The following GABRA3 variants were observed in gnomAD, a reference collection of about 807,000 sequenced individuals.
GABRA3 encodes the protein gamma-aminobutyric acid receptor subunit alpha-3.
GABRA3 carries 10 observed loss-of-function variants against 30.1 expected under a neutral mutation model. The ratio of observed to expected loss-of-function variants is 0.33; its 90% confidence interval spans 0.20 to 0.56. The LOEUF is 0.56. GABRA3 is among the 20% of genes least tolerant of loss of function. The pLI is 0.89. For missense variants in GABRA3, 233 were observed against 392.0 expected, an observed-to-expected ratio of 0.59 and a Z score of 3.42; for synonymous variants, 151 against 146.8, an observed-to-expected ratio of 1.03 and a Z score of -0.21.
At chrX:152,239,342 C>G (rs1368030088) in intron 5 of GABRA3, among the ~76,000 whole-genome samples, 2 of 107,388 alleles carry the variant, frequency 1.9e-5, no homozygotes, top group Middle Eastern at 4.6e-3. Flanking sequence ...AGTTTGATTG[C>G]ACTGTGGTCT....
intron 2 of GABRA3, among the ~76,000 whole-genome samples, chrX:152,359,682 G>C (rs1327519608): frequency 1.8e-5 from 2 of 110,500 alleles, no homozygotes; most frequent in African/African-American, 6.6e-5. Flanking sequence ...TTTTTGACTT[G>C]GGCATTTAGT....
At chrX:152,226,026 A>G (rs1285086588) in intron 5 of GABRA3, among the ~76,000 whole-genome samples, 1 of 111,232 alleles carries the variant, frequency 9.0e-6, no homozygotes, top group Non-Finnish European at 1.9e-5. Flanking sequence ...GACTGAAAAA[A>G]ACATGCCTCA....
chrX:152,446,613 A>T (rs1035177845), intron 1 of GABRA3, among the ~76,000 whole-genome samples: 1 of 109,832 alleles, frequency 9.1e-6, no homozygotes, highest in Admixed American at 9.7e-5. Flanking sequence ...ATTCTATTTC[A>T]AGTATTGAGA....
At chrX:152,406,343 C>T (rs1440889018) in intron 1 of GABRA3, among the ~76,000 whole-genome samples, 6 of 109,146 alleles carry the variant, frequency 5.5e-5, no homozygotes, top group South Asian at 4.0e-4. Flanking sequence ...AAATTCACTT[C>T]GCCTGTAGAG....
chrX:152,167,764 G>A lies in GABRA3; in HGVS notation c.*464C>T, dbSNP rs200114700. Reference sequence around the variant, plus strand: ...CCTAGTAGGCCTTGCTGAAGGCAGGGGAGGTGGCACGCAGGATCACATGGC... The same window carrying A: ...CCTAGTAGGCCTTGCTGAAGGCAGGAGAGGTGGCACGCAGGATCACATGGC... On this transcript the variant is annotated 3_prime_UTR_variant, in exon 10 of 10. Coordinates refer to ENST00000370314, the MANE Select transcript of GABRA3 (RefSeq NM_000808.4). The A allele has an allele frequency of 2.4e-4, 31 of 126,809 alleles. No individual in the cohort carries two copies. Among genetic ancestry groups the A allele is most frequent in the Non-Finnish European group, 4.8e-4 (30 of 62,189 alleles). The allele number at this position is 126,809 out of a possible 1,213,427, so 10.5% of individuals were successfully genotyped here.
At chrX:152,340,236 TCA>T (rs1230264403) in intron 3 of GABRA3, among the ~76,000 whole-genome samples, 1 of 112,443 alleles carries the variant, frequency 8.9e-6, no homozygotes, top group Non-Finnish European at 1.9e-5. Flanking sequence ...TAATATTATC[TCA>T]CTTTCTGTGT....
chrX:152,393,647 C>A (rs1167227357), intron 1 of GABRA3: 1 of 238,644 alleles, frequency 4.2e-6, no homozygotes. Context: ...CAGCATATGA[C>A]AATGATGCTG....
chrX:152,182,216 A>T (rs1603200223), intron 9 of GABRA3, among the ~76,000 whole-genome samples: 1 of 107,481 alleles, frequency 9.3e-6, no homozygotes, highest in East Asian at 2.9e-4. Context: ...CCATCCTTTC[A>T]TCCCTGGGAT....
intron 9 of GABRA3, among the ~76,000 whole-genome samples, chrX:152,182,511 A>G (rs1475772053): frequency 1.2e-5 from 1 of 84,399 alleles, no homozygotes; most frequent in Non-Finnish European, 2.2e-5. Context: ...TATATACTCT[A>G]TATAGTATAC....
chrX:152,415,367 G>C (rs886117794), intron 1 of GABRA3, among the ~76,000 whole-genome samples: 1 of 110,809 alleles, frequency 9.0e-6, no homozygotes, highest in African/African-American at 3.3e-5. Flanking sequence ...TTTTAAAAAA[G>C]TTACACAGTA....
At chrX:152,378,931 A>C (rs1929069959) in intron 1 of GABRA3, among the ~76,000 whole-genome samples, 1 of 111,887 alleles carries the variant, frequency 8.9e-6, no homozygotes, top group African/African-American at 3.2e-5. Context: ...TACCAGGGAG[A>C]TATAATAAAT....
chrX:152,274,105 TATC>T (rs1938998121), intron 4 of GABRA3, among the ~76,000 whole-genome samples: 1 of 111,291 alleles, frequency 9.0e-6, no homozygotes, highest in Non-Finnish European at 1.9e-5. Flanking sequence ...TGAGATAAAA[TATC>T]ATTACACTAA....
At chrX:152,193,292 T>C (rs904418303) in intron 8 of GABRA3, among the ~76,000 whole-genome samples, 2 of 111,791 alleles carry the variant, frequency 1.8e-5, no homozygotes, top group African/African-American at 6.5e-5. Flanking sequence ...TTACAGTATG[T>C]ACTCACTTGT....
intron 3 of GABRA3, among the ~76,000 whole-genome samples, chrX:152,334,758 C>CA (rs76390807): frequency 0.18 from 19,966 of 107,988 alleles, 1,548 homozygotes; most frequent in African/African-American, 0.29. Context: ...TACATAAAAT[C>CA]AAAAAAAAAT....
intron 3 of GABRA3, among the ~76,000 whole-genome samples, chrX:152,297,851 C>A (rs755847515): frequency 8.9e-6 from 1 of 112,314 alleles, no homozygotes; most frequent in African/African-American, 3.2e-5. Context: ...CATTGCTCCT[C>A]GCTGCAAATA....
chrX:152,219,085 C>T lies in GABRA3; in HGVS notation c.634+5678G>A, dbSNP rs5969868. 1.9e-3 allele frequency among the ~76,000 whole-genome samples: 212 copies of T among 111,227 alleles called. 1 individual carries two copies. Among genetic ancestry groups the T allele is most frequent in the Non-Finnish European group, 2.7e-3 (142 of 52,790 alleles). ...TTTCTCATACGTCACCTGTCTTCGC[C>T]TTCACGTTTATTAAATTATTCTCTT... On this transcript the variant is annotated intron_variant, in intron 6 of 9. Transcript: ENST00000370314.
chrX:152,366,095 T>C (rs1928652128), intron 1 of GABRA3, among the ~76,000 whole-genome samples: 1 of 111,483 alleles, frequency 9.0e-6, no homozygotes, highest in African/African-American at 3.3e-5. Context: ...CCATAGTATA[T>C]GAGTAAGAAA....
chrX:152,275,089 T>C (rs776627014), intron 4 of GABRA3, among the ~76,000 whole-genome samples: 118 of 86,264 alleles, frequency 1.4e-3, no homozygotes, highest in African/African-American at 4.9e-3. Context: ...ATATAATAAA[T>C]GTATACATGT....
intron 5 of GABRA3, among the ~76,000 whole-genome samples, chrX:152,237,288 C>A (rs1265549541): frequency 6.4e-5 from 7 of 109,843 alleles, no homozygotes; most frequent in Non-Finnish European, 1.3e-4. Context: ...TCAGGTTTGT[C>A]AAAGATCAGA....
Sources: gnomAD v4.1 joint callset for allele counts (sites outside exome capture counted in the v4.1 genomes callset) on GRCh38, gnomAD v4.1.1 for gene constraint, MANE v1.5 for transcripts, NCBI Gene and HGNC (gene_info 2026-07-23, HGNC 2026-07-21) for gene names.